Variants in ERC2 observed in about 807,000 individuals in gnomAD.
The protein encoded by ERC2 is ELKS/RAB6-interacting/CAST family member 2, also known as ERC protein 2.
ERC2 carries 42 observed loss-of-function variants against 114.8 expected under a neutral mutation model. The observed-to-expected ratio is 0.37, with a 90% CI of 0.29 to 0.47. ERC2 has a LOEUF of 0.47. Among genes scored for constraint, ERC2 ranks in the 20% least tolerant of loss-of-function variants. The pLI is 0.99. For missense variants in ERC2, 939 were observed against 1,150.7 expected (o/e 0.82, Z 2.66); for synonymous variants, 454 against 425.5 (o/e 1.07, Z -0.82).
At chr3:56,166,812 A>T (rs1234158283) in intron 4 of ERC2, among the ~76,000 whole-genome samples, 2 of 151,966 alleles carry the variant, frequency 1.3e-5, no homozygotes, top group Admixed American at 6.6e-5. Flanking sequence ...AGGATTTGTC[A>T]TTTTTGTGAA....
intron 14 of ERC2, among the ~76,000 whole-genome samples, chr3:55,796,566 T>C (rs1454976909): frequency 3.3e-5 from 5 of 152,258 alleles, no homozygotes; most frequent in East Asian, 1.9e-4. Flanking sequence ...GCTAGGATTA[T>C]AGGCTTGTGT....
chr3:56,060,248 A>G (rs1443474848), intron 7 of ERC2, among the ~76,000 whole-genome samples: 2 of 152,206 alleles, frequency 1.3e-5, no homozygotes, highest in African/African-American at 2.4e-5. Context: ...GAAGATTTCT[A>G]TATCCACAGA....
intron 13 of ERC2, 60 bp from the exon 14 acceptor site, chr3:55,888,609 T>C: frequency 7.6e-6 from 12 of 1,589,070 alleles, no homozygotes; most frequent in South Asian, 1.1e-5. Flanking sequence ...AAGACATCCC[T>C]TGTTAGCCTG....
At chr3:55,911,025 C>G (rs916270082) in intron 13 of ERC2, among the ~76,000 whole-genome samples, 49 of 152,308 alleles carry the variant, frequency 3.2e-4, no homozygotes, top group Non-Finnish European at 4.9e-4. Context: ...TCTTCTTCCC[C>G]TTTCCCTCCC....
chr3:55,936,016 T>A (rs2066422916), intron 13 of ERC2, among the ~76,000 whole-genome samples: 1 of 152,226 alleles, frequency 6.6e-6, no homozygotes. Context: ...TATTCATGCA[T>A]CTCATTTTAT....
chr3:55,588,534 G>T (rs543180035), intron 17 of ERC2, among the ~76,000 whole-genome samples: 1 of 152,288 alleles, frequency 6.6e-6, no homozygotes, highest in East Asian at 1.9e-4. Flanking sequence ...TCGGCCTGAT[G>T]AATCAATTCC....
chr3:55,776,603 C>T lies in ERC2; in HGVS notation c.2565-41685G>A, dbSNP rs974554831. ...AGTTACTCATGTGAGCCTGGGGGTA[C>T]GGAAAGGGGCTGGGAAGGGTCAAGC... is the stretch of plus-strand genomic sequence containing the variant. On this transcript the variant is annotated intron_variant, in intron 14 of 17. Transcript: ENST00000288221. Among the ~76,000 whole-genome samples, 13 of 152,132 alleles carry T rather than the reference C, an allele frequency of 8.5e-5. No homozygotes were observed. In the East Asian group the frequency reaches 1.5e-3, roughly 18 times the overall value.
intron 6 of ERC2, among the ~76,000 whole-genome samples, chr3:56,099,205 T>G (rs1289011845): frequency 5.3e-5 from 8 of 152,162 alleles, no homozygotes; most frequent in Non-Finnish European, 1.2e-4. Context: ...ACCAGGAGGA[T>G]TCTCCCTTAG....
intron 5 of ERC2, among the ~76,000 whole-genome samples, chr3:56,144,567 C>T (rs1036041169): frequency 6.6e-6 from 1 of 152,116 alleles, no homozygotes; most frequent in African/African-American, 2.4e-5. Flanking sequence ...AGTAGAAAGC[C>T]AGTGTCGGGT....
intron 7 of ERC2, among the ~76,000 whole-genome samples, chr3:56,074,115 A>C (rs1192463614): frequency 2.6e-5 from 4 of 152,136 alleles, no homozygotes; most frequent in African/African-American, 7.2e-5. Context: ...TAGTTTAGCT[A>C]ATCTGTAAAA....
intron 6 of ERC2, among the ~76,000 whole-genome samples, chr3:56,117,150 A>G (rs2079285093): frequency 6.6e-6 from 1 of 152,206 alleles, no homozygotes; most frequent in African/African-American, 2.4e-5. Flanking sequence ...CCTGAGCTAC[A>G]TACTGCCTAG....
intron 17 of ERC2, among the ~76,000 whole-genome samples, chr3:55,680,616 T>G (rs937247947): frequency 6.6e-6 from 1 of 152,132 alleles, no homozygotes; most frequent in East Asian, 1.9e-4. Context: ...ATTTTCACAA[T>G]TGAAAGTATG....
intron 7 of ERC2, among the ~76,000 whole-genome samples, chr3:56,071,413 G>A (rs2149731151): frequency 6.6e-6 from 1 of 152,352 alleles, no homozygotes; most frequent in South Asian, 2.1e-4. Context: ...GAAATGAAGA[G>A]GTTGGACTAG....
intron 15 of ERC2, among the ~76,000 whole-genome samples, chr3:55,731,095 C>G (rs571525561): frequency 4.6e-5 from 7 of 152,342 alleles, no homozygotes; most frequent in African/African-American, 1.7e-4. Flanking sequence ...AGTACATGCG[C>G]AAGTACAGGC....
intron 17 of ERC2, among the ~76,000 whole-genome samples, chr3:55,643,369 A>G (rs2060265581): frequency 6.6e-6 from 1 of 152,248 alleles, no homozygotes; most frequent in African/African-American, 2.4e-5. Flanking sequence ...TCATGTGGAT[A>G]TAGAGCACTG....
intron 2 of ERC2, among the ~76,000 whole-genome samples, chr3:56,359,694 A>G (rs188938795): frequency 6.6e-6 from 1 of 152,270 alleles, no homozygotes; most frequent in Non-Finnish European, 1.5e-5. Context: ...CTGTAAAAGA[A>G]GCATGGTGCC....
At chr3:55,884,508 A>G (rs1258766218) in intron 14 of ERC2, among the ~76,000 whole-genome samples, 2 of 152,098 alleles carry the variant, frequency 1.3e-5, no homozygotes, top group African/African-American at 4.8e-5. Context: ...CTAAACAAAT[A>G]TCTATCTTTG....
At chr3:55,953,863 A>C (rs2067750560) in intron 12 of ERC2, among the ~76,000 whole-genome samples, 1 of 152,142 alleles carries the variant, frequency 6.6e-6, no homozygotes, top group South Asian at 2.1e-4. Context: ...ATCAGTCTCC[A>C]CATCTTCCCC....
At chr3:56,139,838 T>C (rs2080746925) in intron 5 of ERC2, among the ~76,000 whole-genome samples, 162 bp from the exon 6 acceptor site, 1 of 152,124 alleles carries the variant, frequency 6.6e-6, no homozygotes, top group African/African-American at 2.4e-5. Flanking sequence ...AATCACACAG[T>C]CTTTGGGTTC....
Sources: allele counts gnomAD v4.1 joint callset (sites outside exome capture counted in the v4.1 genomes callset), GRCh38; gene constraint gnomAD v4.1.1; transcripts MANE v1.5; gene names NCBI Gene and HGNC (gene_info 2026-07-23, HGNC 2026-07-21).